The following PPP1R16A variants were observed in gnomAD, a reference collection of about 807,000 sequenced individuals.
PPP1R16A encodes the protein myosin phosphatase-targeting subunit 3.
A neutral mutation model predicts 46.6 loss-of-function variants in PPP1R16A; 39 were observed. That is an observed-to-expected ratio of 0.84 (90% confidence interval 0.65 to 1.09). The LOEUF is 1.09. PPP1R16A is among the 50% of genes least tolerant of loss of function. The probability of loss-of-function intolerance (pLI) is 0.00; values close to 1 mark genes in which losing one functional copy is unlikely to be tolerated. For synonymous variants in PPP1R16A, 413 were observed against 321.5 expected (o/e 1.28, Z -3.04); for missense variants, 798 against 735.6 (o/e 1.08, Z -0.98).
In PPP1R16A at chr8:144,497,350, G is replaced by A. The variant is rs1019229152; in HGVS notation, c.156G>A (p.Glu52=). The A allele has an allele frequency of 2.5e-6, 4 of 1,612,590 alleles. No individual in the cohort carries two copies. The highest frequency in any genetic ancestry group is 3.4e-6 in the Non-Finnish European group (4 of 1,179,834). The part of the protein sequence containing the change: ...KEAQGKKGPG[E]RPRKEAASQG... ...CCCAGGGCAAGAAGGGTCCTGGGGA[G>A]CGTCCCCGGAAGGAGGCAGCCAGCC... Residue 52 remains glutamate (E), a synonymous_variant, in exon 3 of 12, where the codon GAG becomes GAA. Transcript: ENST00000435887.
rs749667274 is a variant in PPP1R16A, at chr8:144,485,212, C to CAAAAAAA, written c.-913-4800_-913-4794dup. Among the ~76,000 whole-genome samples, 15 of 61,528 alleles carry CAAAAAAA rather than the reference C, an allele frequency of 2.4e-4. 5 individuals are homozygous for CAAAAAAA. The highest frequency in any genetic ancestry group is 1.6e-3 in the African/African-American group (15 of 9,358). The allele number at this position is 61,528 out of a possible 152,430, so 40.4% of individuals were successfully genotyped here. A position where few individuals can be genotyped will look rare whatever the true frequency, so the allele number is the denominator to read the frequency against. On this transcript the variant is annotated intron_variant, in intron 1 of 11. Transcript: ENST00000435887. Reference sequence around the variant, plus strand: ...GAACCAGTAAAAAAGAATAGAATCTCAAAAAAAAAAAAAAAAAAAAAAAAA... The same window carrying CAAAAAAA: ...GAACCAGTAAAAAAGAATAGAATCTCAAAAAAAAAAAAAAAAAAAAAAAAAAAAAAAA...
intron 1 of PPP1R16A, among the ~76,000 whole-genome samples, chr8:144,482,729 A>G (rs1375677379): frequency 2.1e-5 from 3 of 143,782 alleles, no homozygotes; most frequent in Non-Finnish European, 4.6e-5. Context: ...GCTCACTGCA[A>G]CCTCTGCCTC....
Position 144,496,876 on chromosome 8 carries a change from G to A in PPP1R16A, c.-319G>A. 1 of 488,646 alleles carries A rather than the reference G, an allele frequency of 2.0e-6. No individual in the cohort carries two copies. Among genetic ancestry groups the A allele is most frequent in the Non-Finnish European group, 3.7e-6 (1 of 266,746 alleles). The allele number at this position is 488,646 out of a possible 1,614,324, so 30.3% of individuals were successfully genotyped here. On this transcript the variant is annotated 5_prime_UTR_variant, in exon 3 of 12. Coordinates refer to ENST00000435887, the MANE Select transcript of PPP1R16A (RefSeq NM_001329443.2). Reference sequence around the variant, plus strand: ...GCACTGAGGCCGGCCAGGTCTCGGGGCTGCCTCCCATAGGTTGTGCACCCT... The same window carrying A: ...GCACTGAGGCCGGCCAGGTCTCGGGACTGCCTCCCATAGGTTGTGCACCCT...
intron 2 of PPP1R16A, among the ~76,000 whole-genome samples, chr8:144,491,503 C>T (rs1825809253): frequency 6.6e-6 from 1 of 151,986 alleles, no homozygotes; most frequent in South Asian, 2.1e-4. Context: ...CTGGCTCACA[C>T]CTGTAATCCC....
Position 144,501,839 on chromosome 8 carries a change from T to C in PPP1R16A, c.1523T>C (p.Leu508Pro). The change falls in exon 12 of 12, where the codon CTC becomes CCC. Residue 508 changes from leucine (L) to proline (P), a missense_variant. Leu to Pro is a moderately conservative substitution (Grantham distance 98). Transcript: ENST00000435887. ...AGGGCAGGCGGGGACCCACCCCTGCTCAAGCTCACAGCCCCGGCGGTGGAG... is the reference window on the plus strand; with the variant it reads ...AGGGCAGGCGGGGACCCACCCCTGCCCAAGCTCACAGCCCCGGCGGTGGAG... The part of the protein sequence containing the change: ...GFRAGGDPPL[L>P]KLTAPAVEAP... 1 of 1,550,374 alleles carries C rather than the reference T, an allele frequency of 6.5e-7. No homozygotes were observed. The highest frequency in any genetic ancestry group is 8.7e-7 in the Non-Finnish European group (1 of 1,148,834).
intron 1 of PPP1R16A, among the ~76,000 whole-genome samples, chr8:144,481,109 C>G (rs1825398399): frequency 6.6e-6 from 1 of 151,392 alleles, no homozygotes; most frequent in African/African-American, 2.4e-5. Flanking sequence ...CCAGGATGGT[C>G]TCGATCTCCT....
chr8:144,479,577 T>A (rs1161154289), intron 1 of PPP1R16A, among the ~76,000 whole-genome samples: 1 of 152,208 alleles, frequency 6.6e-6, no homozygotes, highest in African/African-American at 2.4e-5. Flanking sequence ...CTTTGGGGTC[T>A]GTGTTCTAGG....
chr8:144,499,275 T>A (rs1466940454), intron 5 of PPP1R16A: 1 of 613,486 alleles, frequency 1.6e-6, no homozygotes, highest in African/African-American at 1.8e-5. Flanking sequence ...CTCCCCAGCA[T>A]TCGTCCTCCT....
intron 3 of PPP1R16A, 54 bp from the exon 4 acceptor site, chr8:144,498,716 G>T: frequency 6.6e-7 from 1 of 1,515,032 alleles, no homozygotes; most frequent in South Asian, 1.3e-5. Flanking sequence ...AAGCACAGTT[G>T]ACAGGACCTG....
intron 1 of PPP1R16A, among the ~76,000 whole-genome samples, chr8:144,483,127 T>G (rs1825503348): frequency 6.6e-6 from 1 of 152,204 alleles, no homozygotes; most frequent in African/African-American, 2.4e-5. Context: ...AGGATATGCC[T>G]TCTTTTTTAT....
At chr8:144,479,542 A>C (rs1040830839) in intron 1 of PPP1R16A, among the ~76,000 whole-genome samples, 1 of 152,114 alleles carries the variant, frequency 6.6e-6, no homozygotes, top group Admixed American at 6.5e-5. Flanking sequence ...GCACCTAGCA[A>C]GGGGGCTCCT....
At chr8:144,480,845 T>C (rs1825382318) in intron 1 of PPP1R16A, among the ~76,000 whole-genome samples, 2 of 152,030 alleles carry the variant, frequency 1.3e-5, no homozygotes, top group Non-Finnish European at 2.9e-5. Flanking sequence ...ATGCACCTAT[T>C]TTAATGGGTT....
chr8:144,485,524 G>T (rs918484733), intron 1 of PPP1R16A, among the ~76,000 whole-genome samples: 4 of 109,930 alleles, frequency 3.6e-5, no homozygotes, highest in Non-Finnish European at 8.2e-5. Context: ...ACTCCATCTC[G>T]GGAAAAAAAA....
In PPP1R16A at chr8:144,502,049, G is replaced by C. The variant is rs1826549727; in HGVS notation, c.*146G>C. 8.1e-6 allele frequency: 6 copies of C among 739,892 alleles called. No individual in the cohort carries two copies. The highest frequency in any genetic ancestry group is 1.2e-5 in the Non-Finnish European group (6 of 483,544). 45.8% of individuals were successfully genotyped at this position (739,892 alleles called of 1,614,324 possible). Reference sequence around the variant, plus strand: ...TGGCCCCTCTCAGGTCAGAAGACATGCCTGGAGGGATGTCTGGCTGCAAAG... The same window carrying C: ...TGGCCCCTCTCAGGTCAGAAGACATCCCTGGAGGGATGTCTGGCTGCAAAG... On this transcript the variant is annotated 3_prime_UTR_variant, in exon 12 of 12. Transcript: ENST00000435887.
At chr8:144,489,677 G>T (rs1825739488) in intron 1 of PPP1R16A, among the ~76,000 whole-genome samples, 1 of 152,148 alleles carries the variant, frequency 6.6e-6, no homozygotes, top group South Asian at 2.1e-4. Flanking sequence ...AGTAGACGTG[G>T]TGTGACGTGC....
rs1258976701 is a variant in PPP1R16A at position 144,481,585 on chromosome 8, G to A, written c.-914+3458G>A. On this transcript the variant is annotated intron_variant, in intron 1 of 11. Coordinates refer to ENST00000435887, the MANE Select transcript of PPP1R16A (RefSeq NM_001329443.2). ...CTTGAACGTGGGAGGCGGAGGTTGC[G>A]GTGAGCCGAGATCGCACCATTGCAC... 2.6e-5 allele frequency among the ~76,000 whole-genome samples: 4 copies of A among 151,814 alleles called. No individual in the cohort carries two copies. In the East Asian group the frequency reaches 6.0e-4, roughly 23 times the overall value.
At chr8:144,480,562 C>A (rs796379047) in intron 1 of PPP1R16A, among the ~76,000 whole-genome samples, 2 of 152,104 alleles carry the variant, frequency 1.3e-5, no homozygotes, top group African/African-American at 4.8e-5. Flanking sequence ...TCTCAGCTCA[C>A]TGCAACCTCC....
intron 1 of PPP1R16A, among the ~76,000 whole-genome samples, chr8:144,486,807 C>T (rs1825642196): frequency 6.6e-6 from 1 of 152,156 alleles, no homozygotes; most frequent in Non-Finnish European, 1.5e-5. Context: ...GCTGTCTTTT[C>T]ATCCTCCTCT....
chr8:144,499,852 C>T lies in PPP1R16A; in HGVS notation c.477-244C>T. Reference sequence around the variant, plus strand: ...TGCATGTTTATGGGGGCACCGCTGCCCCTGGAGGTGCCAGGAACCTGGATC... The same window carrying T: ...TGCATGTTTATGGGGGCACCGCTGCTCCTGGAGGTGCCAGGAACCTGGATC... On this transcript the variant is annotated intron_variant, in intron 5 of 11. Transcript: ENST00000435887. 3 of 525,170 alleles carry T rather than the reference C, an allele frequency of 5.7e-6. No homozygotes were observed. In the Admixed American group the frequency reaches 9.6e-5, roughly 17 times the overall value. 32.5% of individuals were successfully genotyped at this position (525,170 alleles called of 1,614,324 possible).
Sources: gnomAD v4.1 joint callset for allele counts (sites outside exome capture counted in the v4.1 genomes callset) on GRCh38, gnomAD v4.1.1 for gene constraint, MANE v1.5 for transcripts, NCBI Gene and HGNC (gene_info 2026-07-23, HGNC 2026-07-21) for gene names.